The following ARHGEF38 variants were observed in gnomAD, a reference collection of about 807,000 sequenced individuals.
ARHGEF38 encodes Rho guanine nucleotide exchange factor 38.
Under a neutral mutation model 79.9 loss-of-function variants are expected in ARHGEF38, and 79 were observed. The observed-to-expected ratio is 0.99, with a 90% CI of 0.82 to 1.19. The LOEUF is 1.19. Among genes scored for constraint, ARHGEF38 ranks in the 50% most tolerant of loss-of-function variants. The pLI, the probability that ARHGEF38 is intolerant of heterozygous loss-of-function variation, is 0.00. For synonymous variants in ARHGEF38, 366 were observed against 328.3 expected (o/e 1.11, Z -1.24); for missense variants, 962 against 907.2 (o/e 1.06, Z -0.78).
intron 13 of ARHGEF38, among the ~76,000 whole-genome samples, chr4:105,669,424 AG>A (rs1384150158): frequency 6.6e-6 from 1 of 152,210 alleles, no homozygotes; most frequent in Non-Finnish European, 1.5e-5. Context: ...TGAGTATATA[AG>A]TGTAAAACAA....
intron 10 of ARHGEF38, among the ~76,000 whole-genome samples, chr4:105,664,004 A>C (rs547088054): frequency 9.2e-5 from 14 of 152,024 alleles, no homozygotes; most frequent in East Asian, 3.9e-4. Flanking sequence ...CAAAACAAAA[A>C]AAAACCCTAA....
chr4:105,667,748 G>A, intron 13 of ARHGEF38, 45 bp downstream of exon 13: 1 of 1,531,476 alleles, frequency 6.5e-7, no homozygotes, highest in Non-Finnish European at 8.7e-7. Flanking sequence ...AATCATGAAA[G>A]AGTATCTCTC....
chr4:105,576,598 T>C (rs1001695179), intron 1 of ARHGEF38, among the ~76,000 whole-genome samples: 6 of 152,144 alleles, frequency 3.9e-5, no homozygotes, highest in Admixed American at 1.3e-4. Flanking sequence ...TTCCTAAGTA[T>C]AGAGTCATGT....
intron 13 of ARHGEF38, among the ~76,000 whole-genome samples, chr4:105,672,546 C>A (rs1259919994): frequency 6.6e-6 from 1 of 152,196 alleles, no homozygotes; most frequent in Non-Finnish European, 1.5e-5. Context: ...CTAATGTATT[C>A]TCTCCTTTTG....
intron 3 of ARHGEF38, among the ~76,000 whole-genome samples, chr4:105,625,281 T>A (rs1728898953): frequency 6.6e-6 from 1 of 152,144 alleles, no homozygotes; most frequent in Non-Finnish European, 1.5e-5. Flanking sequence ...CCTTAACTCA[T>A]CAGGATTTCT....
Position 105,631,051 on chromosome 4 carries a change from G to A in ARHGEF38, c.656+6G>A. 2 of 1,601,412 alleles carry A rather than the reference G, an allele frequency of 1.2e-6. No homozygotes were observed. Among genetic ancestry groups the A allele is most frequent in the Non-Finnish European group, 1.7e-6 (2 of 1,175,998 alleles). On this transcript the variant is annotated splice_donor_region_variant and intron_variant, in intron 4 of 13. Transcript: ENST00000420470. ...CACTGTATCCAGTCCTTAAAGTAAG[G>A]CCTTTTCAAATGATGATTCCCATCT...
intron 3 of ARHGEF38, among the ~76,000 whole-genome samples, chr4:105,623,254 GCA>G (rs942881756): frequency 5.9e-5 from 9 of 152,196 alleles, no homozygotes; most frequent in Non-Finnish European, 1.2e-4. Flanking sequence ...GCATTGGCTG[GCA>G]CACAGAGGGT....
intron 8 of ARHGEF38, 130 bp from the exon 9 acceptor site, chr4:105,655,473 T>G: frequency 1.1e-6 from 1 of 937,728 alleles, no homozygotes; most frequent in Non-Finnish European, 1.5e-6. Context: ...TTATAAAATG[T>G]TTGTTGTTCC....
intron 1 of ARHGEF38, among the ~76,000 whole-genome samples, chr4:105,588,846 AT>A (rs1276364425): frequency 6.6e-6 from 1 of 152,226 alleles, no homozygotes; most frequent in Non-Finnish European, 1.5e-5. Context: ...CAGTGACAAA[AT>A]TCATTTTCAT....
intron 4 of ARHGEF38, among the ~76,000 whole-genome samples, chr4:105,634,575 T>C (rs1348788086): frequency 1.3e-5 from 2 of 152,134 alleles, no homozygotes; most frequent in Non-Finnish European, 2.9e-5. Context: ...TGGCTATAAA[T>C]GCAAATGTAG....
intron 1 of ARHGEF38, among the ~76,000 whole-genome samples, chr4:105,570,648 GGTAACCATCCTT>G (rs1726178000): frequency 6.6e-6 from 1 of 152,082 alleles, no homozygotes; most frequent in African/African-American, 2.4e-5. Context: ...GCAGCCTAGG[GGTAACCATCCTT>G]GTAACCATCC....
intron 1 of ARHGEF38, among the ~76,000 whole-genome samples, chr4:105,562,225 T>C (rs1018376431): frequency 6.6e-6 from 1 of 152,208 alleles, no homozygotes; most frequent in African/African-American, 2.4e-5. Context: ...TCAGTGGCTT[T>C]CATACCATCT....
intron 6 of ARHGEF38, among the ~76,000 whole-genome samples, chr4:105,647,798 G>C (rs1288333255): frequency 6.6e-6 from 1 of 152,140 alleles, no homozygotes; most frequent in East Asian, 1.9e-4. Flanking sequence ...AGGTTATTCA[G>C]CTTGCCCCAA....
intron 1 of ARHGEF38, among the ~76,000 whole-genome samples, chr4:105,559,938 T>A (rs1432117364): frequency 6.6e-6 from 1 of 152,202 alleles, no homozygotes; most frequent in Non-Finnish European, 1.5e-5. Flanking sequence ...TGTTCAGTTC[T>A]GATTTTATCA....
chr4:105,564,221 A>T (rs561562491), intron 1 of ARHGEF38, among the ~76,000 whole-genome samples: 2 of 152,338 alleles, frequency 1.3e-5, no homozygotes, highest in South Asian at 4.1e-4. Flanking sequence ...TGCTCTTTGA[A>T]AATATTTATT....
intron 4 of ARHGEF38, chr4:105,631,634 A>G (rs1729198078): frequency 2.0e-6 from 2 of 985,020 alleles, no homozygotes; most frequent in African/African-American, 1.7e-5. Context: ...TGAAAATCTG[A>G]AAAATATAAC....
intron 1 of ARHGEF38, among the ~76,000 whole-genome samples, chr4:105,576,116 C>T (rs1726486242): frequency 6.6e-6 from 1 of 151,962 alleles, no homozygotes; most frequent in African/African-American, 2.4e-5. Flanking sequence ...TTTAGGATCG[C>T]TTTAGTTATT....
intron 2 of ARHGEF38, among the ~76,000 whole-genome samples, chr4:105,611,425 T>C (rs1728289422): frequency 6.6e-6 from 1 of 152,054 alleles, no homozygotes; most frequent in Non-Finnish European, 1.5e-5. Context: ...ATTTAATTAA[T>C]ACCCAACACA....
intron 10 of ARHGEF38, among the ~76,000 whole-genome samples, chr4:105,661,477 A>T (rs758180772): frequency 5.8e-4 from 8 of 13,810 alleles, no homozygotes; most frequent in African/African-American, 8.6e-4. Context: ...ACACCTCTTT[A>T]TTATTATTAT....
Sources: allele counts gnomAD v4.1 joint callset (sites outside exome capture counted in the v4.1 genomes callset), GRCh38; gene constraint gnomAD v4.1.1; transcripts MANE v1.5; gene names NCBI Gene and HGNC (gene_info 2026-07-23, HGNC 2026-07-21).